Variants in INTS3 observed in about 807,000 individuals in gnomAD.
The protein encoded by INTS3 is SOSS complex subunit A.
INTS3 carries 34 observed loss-of-function variants against 146.3 expected under a neutral mutation model. The observed-to-expected ratio is 0.23, with a 90% confidence interval of 0.18 to 0.31. INTS3 has a LOEUF of 0.31. INTS3 is among the 10% of genes least tolerant of loss of function. INTS3 has a pLI of 1.00. For missense variants in INTS3, 757 were observed against 1,304.2 expected (o/e 0.58, Z 6.46); for synonymous variants, 475 against 494.9 (o/e 0.96, Z 0.53).
intron 11 of INTS3, 87 bp from the exon 12 acceptor site, chr1:153,760,224 C>T (rs1672323950): frequency 1.2e-6 from 1 of 853,666 alleles, no homozygotes; most frequent in African/African-American, 2.2e-5. Context: ...CAGAGCAAGA[C>T]TCTGTTTCAA....
At chr1:153,746,664 G>A (rs1671756183) in intron 3 of INTS3, among the ~76,000 whole-genome samples, 1 of 152,170 alleles carries the variant, frequency 6.6e-6, no homozygotes, top group African/African-American at 2.4e-5. Context: ...GCCTCCCAAA[G>A]TGCTGGGATT....
In INTS3 at chr1:153,728,649, G is replaced by A. The variant is rs774393933; in HGVS notation, c.15G>A (p.Lys5=). 3.1e-6 allele frequency: 5 copies of A among 1,606,076 alleles called. No individual in the cohort carries two copies. In the African/African-American group the frequency reaches 5.4e-5, roughly 17 times the overall value. The change falls in exon 1 of 30, where the codon AAG becomes AAA. Residue 5 remains lysine (K), a synonymous_variant. Coordinates refer to ENST00000318967, the MANE Select transcript of INTS3 (RefSeq NM_023015.5). Reference sequence around the variant, plus strand: ...TGGCTGCAGCCATGGAGTTGCAGAAGGGAAAAGGGGCGGCAGCAGCAGCAG... The same window carrying A: ...TGGCTGCAGCCATGGAGTTGCAGAAAGGAAAAGGGGCGGCAGCAGCAGCAG... MELQ[K]GKGAAAAAAA... is the part of the protein sequence containing the mutation.
rs536141566 is a variant in INTS3, at chr1:153,771,274, C to T, written c.2553-522C>T. Among the ~76,000 whole-genome samples, 5 of 152,332 alleles carry T rather than the reference C, an allele frequency of 3.3e-5. No individual in the cohort carries two copies. The East Asian group carries it at 9.6e-4, about 29-fold the overall frequency. On this transcript the variant is annotated intron_variant, in intron 25 of 29. Transcript: ENST00000318967. ...ATGGGGCAGCAGCTGTGTATCTTAT[C>T]CTTCCTACCTTTCTGCCTTCCTTCC...
At position 153,772,839 on chromosome 1, in the gene INTS3, C is replaced by T. The variant is rs73013771; in HGVS notation, c.2895-86C>T. The T allele has an allele frequency of 4.1e-4, 660 of 1,592,602 alleles. 2 individuals are homozygous for T. In the African/African-American group the frequency reaches 7.2e-3, roughly 17 times the overall value. On this transcript the variant is annotated intron_variant, in intron 28 of 29. Transcript: ENST00000318967. This position sits in a 1 kb window ranked among gnomAD's most constrained non-coding sequence, Gnocchi z 4.6. ...GGTCCAGGGTTGAAGAAAAAGAAGG[C>T]CTAGGCCTGGGGGCAGAGAAGAGGA...
At chr1:153,763,943 G>A (rs558479153) in intron 17 of INTS3, 57 bp downstream of exon 17, 28 of 1,523,944 alleles carry the variant, frequency 1.8e-5, no homozygotes, top group Middle Eastern at 1.8e-4. Context: ...TAGCTTACAC[G>A]TCTCCCAGGG....
At chr1:153,750,578 T>G (rs1015729482) in intron 6 of INTS3, among the ~76,000 whole-genome samples, 1 of 152,190 alleles carries the variant, frequency 6.6e-6, no homozygotes, top group Non-Finnish European at 1.5e-5. Flanking sequence ...CAGACTGAGC[T>G]AGCACAGTAT....
Position 153,767,846 on chromosome 1 carries a change from AT to A in INTS3, c.2244+20del, listed in dbSNP as rs1672655979. Reference sequence around the variant, plus strand: ...CACAGAGGTCAGTGCCTGCATCCGTATCTGTGCCGGGGGGCTCACAGGAACA... The same window carrying A: ...CACAGAGGTCAGTGCCTGCATCCGTACTGTGCCGGGGGGCTCACAGGAACA... On this transcript the variant is annotated intron_variant, in intron 21 of 29. Coordinates refer to ENST00000318967, the MANE Select transcript of INTS3 (RefSeq NM_023015.5). The A allele has an allele frequency of 6.3e-7, 1 of 1,590,254 alleles. No individual in the cohort carries two copies. The highest frequency in any genetic ancestry group is 1.3e-5 in the African/African-American group (1 of 74,402).
intron 1 of INTS3, among the ~76,000 whole-genome samples, chr1:153,735,024 G>A (rs1216573645): frequency 2.0e-5 from 3 of 152,166 alleles, no homozygotes; most frequent in Non-Finnish European, 4.4e-5. Flanking sequence ...CTGGAGTGCA[G>A]TGGCGTGATC....
intron 20 of INTS3, chr1:153,767,311 G>A (rs1312383557): frequency 1.5e-5 from 3 of 205,200 alleles, no homozygotes; most frequent in African/African-American, 2.3e-5. Context: ...AGCTAAGTTT[G>A]TATATGCTGT....
In INTS3 at chr1:153,757,831, T is replaced by A. The variant is rs1367298690; in HGVS notation, c.1149+68T>A. Reference sequence around the variant, plus strand: ...TGGTGTTCCCATGTTTCCATTCTTCTTCCTGACTCCAGGGCCACTTGACCC... The same window carrying A: ...TGGTGTTCCCATGTTTCCATTCTTCATCCTGACTCCAGGGCCACTTGACCC... On this transcript the variant is annotated intron_variant, in intron 10 of 29. Coordinates refer to ENST00000318967, the MANE Select transcript of INTS3 (RefSeq NM_023015.5). The surrounding 1 kb of genome is among the most constrained non-coding windows in gnomAD (Gnocchi z 4.0). 17 of 1,410,760 alleles carry A rather than the reference T, an allele frequency of 1.2e-5. No individual in the cohort carries two copies. Among genetic ancestry groups the A allele is most frequent in the Non-Finnish European group, 1.5e-5 (15 of 1,005,760 alleles). 87.4% of individuals were successfully genotyped at this position (1,410,760 alleles called of 1,614,324 possible). A position where few individuals can be genotyped will look rare whatever the true frequency, so the allele number is the denominator to read the frequency against.
rs1196605067 is a variant in INTS3, at chr1:153,757,856, C to T, written c.1149+93C>T. 1.0e-6 allele frequency: 1 copy of T among 970,514 alleles called. No individual in the cohort carries two copies. Among genetic ancestry groups the T allele is most frequent in the Non-Finnish European group, 1.6e-6 (1 of 631,662 alleles). 60.1% of individuals were successfully genotyped at this position (970,514 alleles called of 1,614,324 possible). ...TTCCTGACTCCAGGGCCACTTGACC[C>T]CTAAGGGCCCTTCTTTCACTCTGGT... On this transcript the variant is annotated intron_variant, in intron 10 of 29. Transcript: ENST00000318967. The surrounding 1 kb of genome is among the most constrained non-coding windows in gnomAD (Gnocchi z 4.0).
intron 1 of INTS3, among the ~76,000 whole-genome samples, chr1:153,731,065 C>T (rs997396307): frequency 6.6e-6 from 1 of 152,046 alleles, no homozygotes; most frequent in Non-Finnish European, 1.5e-5. Flanking sequence ...GTTTCCTGAC[C>T]ATATATGCTT....
At position 153,751,198 on chromosome 1, in the gene INTS3, C is replaced by A. The variant is rs748462905; in HGVS notation, c.688C>A (p.Gln230Lys). The A allele has an allele frequency of 1.2e-6, 2 of 1,614,190 alleles. No individual in the cohort carries two copies. The highest frequency in any genetic ancestry group is 2.2e-5 in the East Asian group (1 of 44,888). Reference sequence around the variant, plus strand: ...GACTGCCCAGCTCCAGGCCCTGCGACAGAAGGAAGTAGACTTCTGCATCTC... The same window carrying A: ...GACTGCCCAGCTCCAGGCCCTGCGAAAGAAGGAAGTAGACTTCTGCATCTC... ...HGTAQLQALR[Q>K]KEVDFCISLL... The change falls in exon 7 of 30, where the codon CAG becomes AAG. Residue 230 changes from glutamine to lysine, a missense_variant. Gln to Lys is a moderately conservative substitution (Grantham distance 53). Around this residue, in one of 8 missense-constraint regions of INTS3, gnomAD observed 134 missense variants for 243.1 expected, o/e 0.55. Coordinates refer to ENST00000318967, the MANE Select transcript of INTS3 (RefSeq NM_023015.5).
At chr1:153,740,550 A>G (rs1007950995) in intron 1 of INTS3, 101 bp from the exon 2 acceptor site, 10 of 833,494 alleles carry the variant, frequency 1.2e-5, no homozygotes, top group African/African-American at 5.0e-5. Flanking sequence ...AGCTAGATCA[A>G]TGGGCATGAT....
chr1:153,759,396 C>T, intron 10 of INTS3, 130 bp from the exon 11 acceptor site: 1 of 719,942 alleles, frequency 1.4e-6, no homozygotes, highest in Non-Finnish European at 2.5e-6. Flanking sequence ...TAGCATTTCA[C>T]CGTGTTTCAC....
chr1:153,771,766 G>A (rs1302980053), intron 25 of INTS3, 30 bp from the exon 26 acceptor site: 1 of 1,596,658 alleles, frequency 6.3e-7, no homozygotes, highest in African/African-American at 1.3e-5. Context: ...CACTGTGCAA[G>A]CAGCACCCAG....
At chr1:153,761,938 G>C (rs1194542299) in intron 14 of INTS3, among the ~76,000 whole-genome samples, 2 of 152,184 alleles carry the variant, frequency 1.3e-5, no homozygotes, top group Non-Finnish European at 2.9e-5. Flanking sequence ...CTGCTCAGTA[G>C]TTAGAAGGCT....
At chr1:153,729,574 A>G (rs1670987445) in intron 1 of INTS3, among the ~76,000 whole-genome samples, 1 of 152,184 alleles carries the variant, frequency 6.6e-6, no homozygotes, top group African/African-American at 2.4e-5. Flanking sequence ...GTACTTAAGA[A>G]TATGAGATCT....
Position 153,772,482 on chromosome 1 carries a change from C to CCTGG in INTS3, c.2821+44_2821+47dup. On this transcript the variant is annotated intron_variant, in intron 27 of 29. Transcript: ENST00000318967. This position sits in a 1 kb window ranked among gnomAD's most constrained non-coding sequence, Gnocchi z 4.6. ...CGGCGTCCAGTGTAGACGGTGCTGC[C>CCTGG]CTGGCCCAGACTATGCCTGGAGCCA... is the stretch of plus-strand genomic sequence containing the variant. 6.2e-7 allele frequency: 1 copy of CCTGG among 1,613,900 alleles called. No individual in the cohort carries two copies. The highest frequency in any genetic ancestry group is 8.5e-7 in the Non-Finnish European group (1 of 1,179,940).
Sources: allele counts gnomAD v4.1 joint callset (sites outside exome capture counted in the v4.1 genomes callset), GRCh38; gene constraint gnomAD v4.1.1; regional missense constraint gnomAD v4.1.1; non-coding constraint Gnocchi (gnomAD v3.1); transcripts MANE v1.5; gene names NCBI Gene and HGNC (gene_info 2026-07-23, HGNC 2026-07-21).